The following CADM2 variants were observed in gnomAD, a reference collection of about 807,000 sequenced individuals.
CADM2 encodes cell adhesion molecule 2.
A neutral mutation model predicts 49.8 loss-of-function variants in CADM2; 12 were observed. The ratio of observed to expected loss-of-function variants is 0.24; its 90% confidence interval spans 0.15 to 0.39. CADM2 has a LOEUF of 0.39. Ranked by LOEUF, CADM2 falls within the 10% of genes least tolerant of loss-of-function variation. The pLI is 1.00. For missense variants in CADM2, 378 were observed against 492.3 expected, an observed-to-expected ratio of 0.77 and a Z score of 2.20; for synonymous variants, 214 against 175.4, an observed-to-expected ratio of 1.22 and a Z score of -1.74.
At chr3:85,126,936 T>C (rs1462719161) in intron 1 of CADM2, among the ~76,000 whole-genome samples, 2 of 152,130 alleles carry the variant, frequency 1.3e-5, no homozygotes, top group East Asian at 3.9e-4. Context: ...ATTATGCAAA[T>C]AGGTGTATGG....
chr3:85,726,577 A>G, intron 2 of CADM2, 29 bp downstream of exon 2: 1 of 1,568,618 alleles, frequency 6.4e-7, no homozygotes, highest in Non-Finnish European at 8.8e-7. Flanking sequence ...TGCATGAGTC[A>G]TCATCATTCA....
At chr3:85,206,184 A>T (rs1322392227) in intron 1 of CADM2, among the ~76,000 whole-genome samples, 2 of 151,922 alleles carry the variant, frequency 1.3e-5, no homozygotes, top group Non-Finnish European at 2.9e-5. Context: ...TATTAATCTC[A>T]CTTTCCTCAT....
chr3:85,976,227 G>T (rs930406357), intron 8 of CADM2, among the ~76,000 whole-genome samples: 1 of 151,538 alleles, frequency 6.6e-6, no homozygotes, highest in Middle Eastern at 3.2e-3. Context: ...ATATTTGATG[G>T]AGTCTTCTTT....
At position 85,037,974 on chromosome 3, in the gene CADM2, A is replaced by C. The variant is rs6781261; in HGVS notation, c.61+78306A>C. Among the ~76,000 whole-genome samples, 689 of 145,596 alleles carry C rather than the reference A, an allele frequency of 4.7e-3. 4 individuals carry two copies. The highest frequency in any genetic ancestry group is 0.016 in the African/African-American group (663 of 40,236). On this transcript the variant is annotated intron_variant, in intron 1 of 9. Transcript: ENST00000383699. ...TAGCCTCACTGGTGGCCGGAAAACTAAAAAAAAAAAATAGTTATGAGTTCT... is the reference window on the plus strand; with the variant it reads ...TAGCCTCACTGGTGGCCGGAAAACTCAAAAAAAAAAATAGTTATGAGTTCT...
intron 1 of CADM2, among the ~76,000 whole-genome samples, chr3:85,072,578 C>G (rs1480787420): frequency 6.6e-6 from 1 of 152,066 alleles, no homozygotes; most frequent in Admixed American, 6.5e-5. Flanking sequence ...AGTTTCTGCT[C>G]TTCTGTTGAT....
chr3:85,237,247 A>T (rs2042428884), intron 1 of CADM2, among the ~76,000 whole-genome samples: 1 of 151,972 alleles, frequency 6.6e-6, no homozygotes, highest in Non-Finnish European at 1.5e-5. Flanking sequence ...GAAGCATGAG[A>T]TTAACTTTTA....
intron 1 of CADM2, among the ~76,000 whole-genome samples, chr3:85,589,632 A>C (rs2063048464): frequency 2.6e-5 from 4 of 152,014 alleles, no homozygotes; most frequent in Admixed American, 1.3e-4. Context: ...AGAACAAATA[A>C]ATATTTTTAG....
intron 1 of CADM2, among the ~76,000 whole-genome samples, chr3:85,544,637 G>A (rs1006283927): frequency 2.6e-5 from 4 of 152,056 alleles, no homozygotes; most frequent in Admixed American, 6.6e-5. Flanking sequence ...AGGTCTATGT[G>A]AGAAAGCGTA....
intron 1 of CADM2, among the ~76,000 whole-genome samples, chr3:85,478,119 T>C (rs930964824): frequency 2.0e-5 from 3 of 151,944 alleles, no homozygotes; most frequent in Non-Finnish European, 4.4e-5. Context: ...CATCTAAACC[T>C]TACGTATATC....
intron 8 of CADM2, among the ~76,000 whole-genome samples, chr3:85,978,678 C>A (rs897159358): frequency 3.6e-4 from 54 of 151,718 alleles, no homozygotes; most frequent in Non-Finnish European, 2.8e-4. Context: ...CATTTCCTAT[C>A]ATTAAGTCTT....
In CADM2 at chr3:85,430,716, T is replaced by C. The variant is rs142797359; in HGVS notation, c.62-295806T>C. Among the ~76,000 whole-genome samples the C allele has an allele frequency of 1.6e-3, 245 of 151,782 alleles. 1 individual carries two copies. Among genetic ancestry groups the C allele is most frequent in the African/African-American group, 5.4e-3 (225 of 41,376 alleles). On this transcript the variant is annotated intron_variant, in intron 1 of 9. Transcript: ENST00000383699. ...AAGAGGGGTGGGGGCATGGGAGAGATAGTAACTAGAAGAAGACAGATAAAT... is the reference window on the plus strand; with the variant it reads ...AAGAGGGGTGGGGGCATGGGAGAGACAGTAACTAGAAGAAGACAGATAAAT...
chr3:85,799,139 G>A (rs1218632423), intron 2 of CADM2, among the ~76,000 whole-genome samples: 1 of 152,136 alleles, frequency 6.6e-6, no homozygotes, highest in Non-Finnish European at 1.5e-5. Flanking sequence ...AGACTTTGTT[G>A]AAGTTGCTTA....
chr3:85,683,538 A>G (rs982072191), intron 1 of CADM2, among the ~76,000 whole-genome samples: 12 of 152,316 alleles, frequency 7.9e-5, no homozygotes, highest in African/African-American at 2.9e-4. Context: ...GATTTTCACA[A>G]TTACATGAAA....
At chr3:85,574,004 T>C (rs2062557278) in intron 1 of CADM2, among the ~76,000 whole-genome samples, 2 of 152,180 alleles carry the variant, frequency 1.3e-5, no homozygotes, top group Admixed American at 1.3e-4. Flanking sequence ...TATTTCAGAT[T>C]ATGTCCAATG....
intron 1 of CADM2, among the ~76,000 whole-genome samples, chr3:85,152,880 C>T (rs559089023): frequency 2.1e-4 from 32 of 150,846 alleles, no homozygotes; most frequent in South Asian, 6.3e-4. Context: ...AGGAGAATGG[C>T]GTGAACCCAG....
intron 1 of CADM2, among the ~76,000 whole-genome samples, chr3:85,183,796 A>G (rs143141636): frequency 5.5e-4 from 84 of 152,278 alleles, no homozygotes; most frequent in Middle Eastern, 3.4e-3. Context: ...TAGCTCCAGA[A>G]TAAGGAATGG....
intron 1 of CADM2, among the ~76,000 whole-genome samples, chr3:85,585,028 A>G (rs2062898391): frequency 6.6e-6 from 1 of 152,030 alleles, no homozygotes. Flanking sequence ...CGGTTGAAAA[A>G]TATTAAATGG....
At chr3:85,900,743 A>G (rs1041472607) in intron 5 of CADM2, among the ~76,000 whole-genome samples, 15 of 152,324 alleles carry the variant, frequency 9.8e-5, no homozygotes, top group South Asian at 2.1e-4. Context: ...CTAGTTCCAT[A>G]GCTCTCATCC....
At chr3:85,485,161 C>T (rs2039367698) in intron 1 of CADM2, among the ~76,000 whole-genome samples, 1 of 151,344 alleles carries the variant, frequency 6.6e-6, no homozygotes, top group African/African-American at 2.4e-5. Flanking sequence ...CTCTGAATTC[C>T]ATCACAAGTT....
Sources: gnomAD v4.1 joint callset for allele counts (sites outside exome capture counted in the v4.1 genomes callset) on GRCh38, gnomAD v4.1.1 for gene constraint, MANE v1.5 for transcripts, NCBI Gene and HGNC (gene_info 2026-07-23, HGNC 2026-07-21) for gene names.